Variants in FBH1 observed in about 807,000 individuals in gnomAD.
FBH1 encodes the protein DNA 3'-5' helicase 1.
In FBH1, 43 loss-of-function variants were observed where a neutral mutation model predicts 115.5. The observed-to-expected ratio is 0.37, with a 90% confidence interval of 0.29 to 0.48. FBH1 has a LOEUF of 0.48. FBH1 is among the 20% of genes least tolerant of loss of function. The pLI, the probability that FBH1 is intolerant of heterozygous loss-of-function variation, is 0.99. For synonymous variants in FBH1, 524 were observed against 507.8 expected, an observed-to-expected ratio of 1.03 and a Z score of -0.43; for missense variants, 1,001 against 1,337.3, an observed-to-expected ratio of 0.75 and a Z score of 3.92.
intron 9 of FBH1, 109 bp from the exon 10 acceptor site, chr10:5,916,125 G>A (rs1831922741): frequency 1.1e-6 from 1 of 932,098 alleles, no homozygotes; most frequent in Non-Finnish European, 1.7e-6. Flanking sequence ...ACTCGCCTGT[G>A]TGTGGCACTT....
At chr10:5,890,597 G>T (rs1455808232) in intron 1 of FBH1, among the ~76,000 whole-genome samples, 2 of 151,606 alleles carry the variant, frequency 1.3e-5, no homozygotes, top group East Asian at 3.9e-4. Context: ...AGCGGCCCCC[G>T]CGCTGCCCCC....
rs1564443261 is a variant in FBH1, at chr10:5,909,214, A to T, written c.940A>T (p.Ser314Cys). ...PSVDPERVLW[S>C]LRDHPLLPEA... ...TGTGGATCCCGAGAGGGTGCTGTGG[A>T]GTCTGAGGGACCACCCCCTCCTCCC... Residue 314 changes from serine (S) to cysteine (C), a missense_variant, in exon 5 of 21, where the codon AGT becomes TGT. Physicochemically the swap from Ser to Cys is moderately radical, Grantham distance 112 (BLOSUM62 -1). Transcript: ENST00000362091. The surrounding 1 kb of genome is among the most constrained non-coding windows in gnomAD (Gnocchi z 4.4). 1.9e-6 allele frequency: 3 copies of T among 1,613,566 alleles called. No homozygotes were observed. Among genetic ancestry groups the T allele is most frequent in the South Asian group, 1.1e-5 (1 of 91,072 alleles).
chr10:5,918,434 G>A lies in FBH1; in HGVS notation c.2056G>A (p.Ala686Thr), dbSNP rs1319822702. 3.7e-6 allele frequency: 6 copies of A among 1,610,912 alleles called. No homozygotes were observed. Among genetic ancestry groups the A allele is most frequent in the Admixed American group, 1.7e-5 (1 of 58,816 alleles). The change falls in exon 13 of 21, where the codon GCC becomes ACC. Residue 686 changes from alanine to threonine, a missense_variant. Ala to Thr is a moderately conservative substitution (Grantham distance 58). Transcript: ENST00000362091. The surrounding 1 kb of genome is among the most constrained non-coding windows in gnomAD (Gnocchi z 4.0). ...CTATACCTTCCGGGGTGCGGTCAAC[G>A]CCCTGTTCACAGTGCCCCACACCCA... The part of the protein sequence containing the change: ...QIYTFRGAVN[A>T]LFTVPHTHVF...
chr10:5,930,684 G>A (rs1832917727), intron 19 of FBH1, among the ~76,000 whole-genome samples: 1 of 152,200 alleles, frequency 6.6e-6, no homozygotes, highest in Non-Finnish European at 1.5e-5. Context: ...GCTAGGAAAT[G>A]TGTATTTTTG....
Position 5,923,129 on chromosome 10 carries a change from T to C in FBH1, c.2323-492T>C, listed in dbSNP as rs1217746014. Reference sequence around the variant, plus strand: ...AACTCCTGGCCTCAAGTGATCCACCTGCCTCAGCCTCCCAAAGTGCTGGGA... The same window carrying C: ...AACTCCTGGCCTCAAGTGATCCACCCGCCTCAGCCTCCCAAAGTGCTGGGA... On this transcript the variant is annotated intron_variant, in intron 15 of 20. Coordinates refer to ENST00000362091, the MANE Select transcript of FBH1 (RefSeq NM_178150.3). This position sits in a 1 kb window ranked among gnomAD's most constrained non-coding sequence, Gnocchi z 5.7. Among the ~76,000 whole-genome samples, 1 of 152,168 alleles carries C rather than the reference T, an allele frequency of 6.6e-6. No homozygotes were observed. Among genetic ancestry groups the C allele is most frequent in the Non-Finnish European group, 1.5e-5 (1 of 68,034 alleles).
chr10:5,936,697 T>C lies in FBH1; in HGVS notation c.2961+110T>C, dbSNP rs958180235. On this transcript the variant is annotated intron_variant, in intron 20 of 20. Coordinates refer to ENST00000362091, the MANE Select transcript of FBH1 (RefSeq NM_178150.3). This position sits in a 1 kb window ranked among gnomAD's most constrained non-coding sequence, Gnocchi z 5.6. ...AGATAAGAGAGAGCTGTGTGATCCT[T>C]TATTAGGGGCTTTTCATATGAGAGG... The C allele has an allele frequency of 2.3e-5, 32 of 1,395,192 alleles. No individual in the cohort carries two copies. In the Admixed American group the frequency reaches 4.2e-4, roughly 18 times the overall value. The allele number at this position is 1,395,192 out of a possible 1,614,324, so 86.4% of individuals were successfully genotyped here.
chr10:5,915,996 G>T lies in FBH1; in HGVS notation c.1566-238G>T, dbSNP rs901437711. ...GGACCTTCTGGAGCCCAGCTTCATG[G>T]TGGAATAGCAGTGTCTGCCGAAAGC... is the stretch of plus-strand genomic sequence containing the variant. On this transcript the variant is annotated intron_variant, in intron 9 of 20. Coordinates refer to ENST00000362091, the MANE Select transcript of FBH1 (RefSeq NM_178150.3). The surrounding 1 kb of genome is among the most constrained non-coding windows in gnomAD (Gnocchi z 5.2). 2 of 539,122 alleles carry T rather than the reference G, an allele frequency of 3.7e-6. No individual in the cohort carries two copies. The highest frequency in any genetic ancestry group is 3.2e-5 in the East Asian group (1 of 31,216). 33.4% of individuals were successfully genotyped at this position (539,122 alleles called of 1,614,324 possible).
In FBH1 at chr10:5,909,134, GGCC is replaced by G. The variant is rs779765013; in HGVS notation, c.885-24_885-22del. 1 of 1,613,324 alleles carries G rather than the reference GGCC, an allele frequency of 6.2e-7. No individual in the cohort carries two copies. Among genetic ancestry groups the G allele is most frequent in the Non-Finnish European group, 8.5e-7 (1 of 1,179,770 alleles). ...CAGTGCTTATGGTCACCCTACTCATGGCCTCTCCTGTGAATGTCTTACAGATAC... is the reference window on the plus strand; with the variant it reads ...CAGTGCTTATGGTCACCCTACTCATGTCTCCTGTGAATGTCTTACAGATAC... On this transcript the variant is annotated intron_variant, in intron 4 of 20. Transcript: ENST00000362091. This position sits in a 1 kb window ranked among gnomAD's most constrained non-coding sequence, Gnocchi z 4.4.
rs1832484109 is a variant in FBH1, at chr10:5,924,142, G to C, written c.2399-169G>C. 4.6e-6 allele frequency: 3 copies of C among 645,876 alleles called. No individual in the cohort carries two copies. Among genetic ancestry groups the C allele is most frequent in the Non-Finnish European group, 8.1e-6 (3 of 369,668 alleles). The allele number at this position is 645,876 out of a possible 1,614,324, so 40.0% of individuals were successfully genotyped here. On this transcript the variant is annotated intron_variant, in intron 16 of 20. Transcript: ENST00000362091. The surrounding 1 kb of genome is among the most constrained non-coding windows in gnomAD (Gnocchi z 6.2). ...GACGGAGAGGCTACTGCACTGCACT[G>C]ACTTGCCCAGGGACACACAGCGAGT... is the stretch of plus-strand genomic sequence containing the variant.
Position 5,908,972 on chromosome 10 carries a change from G to C in FBH1, c.801G>C (p.Glu267Asp). 6.2e-7 allele frequency: 1 copy of C among 1,614,210 alleles called. No individual in the cohort carries two copies. Among genetic ancestry groups the C allele is most frequent in the Non-Finnish European group, 8.5e-7 (1 of 1,180,034 alleles). The change falls in exon 4 of 21, where the codon GAG becomes GAC. Residue 267 changes from glutamate (E) to aspartate (D), a missense_variant. By Grantham distance (45) the Glu-to-Asp change is conservative. This residue lies in a region of FBH1 where 420 missense variants were observed against 430.4 expected (regional missense o/e 0.98). Coordinates refer to ENST00000362091, the MANE Select transcript of FBH1 (RefSeq NM_178150.3). ...ACCATCGATACCTGATGAATGAAGA[G>C]CAAGCTGTCAGCAAAGTGGACGGCA... Reference protein sequence around the residue: ...KLYHRYLMNEEQAVSKVDGIL... With the variant: ...KLYHRYLMNEDQAVSKVDGIL...
chr10:5,927,229 C>T (rs145785432), intron 18 of FBH1, among the ~76,000 whole-genome samples: 14 of 152,256 alleles, frequency 9.2e-5, no homozygotes, highest in Admixed American at 2.0e-4. Context: ...AAATAAAACC[C>T]GGTATTTTGT....
chr10:5,912,361 T>TA (rs34703842), intron 6 of FBH1, among the ~76,000 whole-genome samples: 40,549 of 138,234 alleles, frequency 0.29, 6,211 homozygotes, highest in Non-Finnish European at 0.35. Context: ...AGGCTCTGTC[T>TA]AAAAAAAAAA....
chr10:5,916,421 G>C lies in FBH1; in HGVS notation c.1753G>C (p.Gly585Arg). The change falls in exon 10 of 21, where the codon GGA (glycine) becomes CGA (arginine). Residue 585 changes from glycine (G) to arginine (R), a missense_variant. This residue lies in a region of FBH1 where 521 missense variants were observed against 811.0 expected (regional missense o/e 0.64). Transcript: ENST00000362091. ...GCCTATTTGGTGTAAGAACAGCCAA[G>C]GACAGAGAGTCATGGTTGAGCAGAG... ...HVPIWCKNSQGQRVMVEQSEK... is the reference protein window; with the variant it reads ...HVPIWCKNSQRQRVMVEQSEK... 6.2e-7 allele frequency: 1 copy of C among 1,613,802 alleles called. No individual in the cohort carries two copies.
rs1833435902 is a variant in FBH1, at chr10:5,937,442, C to G, written c.*162C>G. 1 of 644,036 alleles carries G rather than the reference C, an allele frequency of 1.6e-6. No individual in the cohort carries two copies. The highest frequency in any genetic ancestry group is 2.3e-6 in the Non-Finnish European group (1 of 428,780). 39.9% of individuals were successfully genotyped at this position (644,036 alleles called of 1,614,324 possible). ...AAGCTGGACCTGCCATTTCTCCACT[C>G]CCTACAGACAGCCAGTCTCCACTTG... On this transcript the variant is annotated 3_prime_UTR_variant, in exon 21 of 21. Transcript: ENST00000362091.
rs184673797 is a variant in FBH1 at position 5,900,170 on chromosome 10, T to C, written c.2-2850T>C. On this transcript the variant is annotated intron_variant, in intron 1 of 20. Coordinates refer to ENST00000362091, the MANE Select transcript of FBH1 (RefSeq NM_178150.3). The surrounding 1 kb of genome is among the most constrained non-coding windows in gnomAD (Gnocchi z 4.2). Reference sequence around the variant, plus strand: ...GCCATTAGGTGGCATCTTTATAATTTGAAGGATATTTCAATGTCTTAGGCA... The same window carrying C: ...GCCATTAGGTGGCATCTTTATAATTCGAAGGATATTTCAATGTCTTAGGCA... Among the ~76,000 whole-genome samples the C allele has an allele frequency of 6.3e-3, 955 of 152,352 alleles. 8 individuals are homozygous for C. Among genetic ancestry groups the C allele is most frequent in the African/African-American group, 0.022 (918 of 41,586 alleles).
intron 1 of FBH1, among the ~76,000 whole-genome samples, chr10:5,898,342 C>G (rs1843130098): frequency 6.6e-6 from 1 of 152,140 alleles, no homozygotes; most frequent in Non-Finnish European, 1.5e-5. Context: ...TCTGAGACCT[C>G]TCTTATAAGG....
chr10:5,927,598 C>T (rs1832729249), intron 19 of FBH1, 57 bp downstream of exon 19: 4 of 1,400,186 alleles, frequency 2.9e-6, no homozygotes, highest in Non-Finnish European at 4.0e-6. Flanking sequence ...ATTTAGTCTG[C>T]TTGAGGGGCT....
chr10:5,898,640 C>A (rs1423748954), intron 1 of FBH1, among the ~76,000 whole-genome samples: 1 of 152,126 alleles, frequency 6.6e-6, no homozygotes, highest in African/African-American at 2.4e-5. Context: ...GAACTCTAGA[C>A]CTCAAGTGAT....
At chr10:5,890,018 G>C (rs1456902933), upstream of FBH1, 1 of 264,168 alleles carries the variant, frequency 3.8e-6, no homozygotes, top group African/African-American at 2.3e-5. Flanking sequence ...GCTCCGCCCC[G>C]GCCCGAGCGG....
Sources: allele counts gnomAD v4.1 joint callset (sites outside exome capture counted in the v4.1 genomes callset), GRCh38; gene constraint gnomAD v4.1.1; regional missense constraint gnomAD v4.1.1; non-coding constraint Gnocchi (gnomAD v3.1); transcripts MANE v1.5; gene names NCBI Gene and HGNC (gene_info 2026-07-23, HGNC 2026-07-21).